Variants in PPP2R2C observed in about 807,000 individuals in gnomAD.
The protein encoded by PPP2R2C is protein phosphatase 2 regulatory subunit Bgamma.
Under a neutral mutation model 45.3 loss-of-function variants are expected in PPP2R2C, and 10 were observed. The observed-to-expected ratio is 0.22, with a 90% CI of 0.14 to 0.37. The LOEUF (loss-of-function observed/expected upper bound fraction) is 0.37, where lower values mean the gene tolerates loss of function less well. PPP2R2C is among the 10% of genes least tolerant of loss of function. The probability of loss-of-function intolerance (pLI) is 1.00; values close to 1 mark genes in which losing one functional copy is unlikely to be tolerated. For synonymous variants in PPP2R2C, 257 were observed against 245.4 expected (o/e 1.05, Z -0.44); for missense variants, 308 against 619.7 (o/e 0.50, Z 5.34).
At chr4:6,561,586 A>G (rs1425971263) in intron 1 of PPP2R2C, among the ~76,000 whole-genome samples, 1 of 152,118 alleles carries the variant, frequency 6.6e-6, no homozygotes, top group Non-Finnish European at 1.5e-5. Context: ...TTTTATTCCA[A>G]AAAGAGCTTA....
In PPP2R2C at chr4:6,381,989, C is replaced by A. The variant is rs113063269; in HGVS notation, c.71-895G>T. On this transcript the variant is annotated intron_variant, in intron 1 of 8. Coordinates refer to ENST00000382599, the MANE Select transcript of PPP2R2C (RefSeq NM_020416.4). ...GGGAGTGGGGGAGAGCAGGGGAGGA[C>A]AAGGCCCTAGCCTGGAAGAGAAACC... is the stretch of plus-strand genomic sequence containing the variant. 1.5e-3 allele frequency: 2,176 copies of A among 1,431,448 alleles called. 33 individuals are homozygous for A. The African/African-American group carries it at 0.026, about 17-fold the overall frequency. 88.7% of individuals were successfully genotyped at this position (1,431,448 alleles called of 1,614,324 possible).
chr4:6,425,121 G>A (rs544044501), intron 1 of PPP2R2C, among the ~76,000 whole-genome samples: 1 of 152,184 alleles, frequency 6.6e-6, no homozygotes, highest in African/African-American at 2.4e-5. Context: ...GAGGATGACA[G>A]GAAGTGGCAA....
At chr4:6,551,497 GCCT>G (rs1355423522) in intron 1 of PPP2R2C, among the ~76,000 whole-genome samples, 2 of 152,226 alleles carry the variant, frequency 1.3e-5, no homozygotes, top group Non-Finnish European at 2.9e-5. Context: ...TGAGGTCTAT[GCCT>G]CCTCCTCTTG....
At chr4:6,528,158 C>G (rs1427778707) in intron 2 of PPP2R2C, among the ~76,000 whole-genome samples, 1 of 152,256 alleles carries the variant, frequency 6.6e-6, no homozygotes, top group Non-Finnish European at 1.5e-5. Context: ...GCCCTGTACC[C>G]TCGGCCTGGG....
At chr4:6,515,850 G>T (rs1170104102) in intron 2 of PPP2R2C, among the ~76,000 whole-genome samples, 1 of 152,162 alleles carries the variant, frequency 6.6e-6, no homozygotes, top group East Asian at 1.9e-4. Context: ...AGGGATCCAG[G>T]GGAGGATTCT....
At position 6,328,730 on chromosome 4, in the gene PPP2R2C, T is replaced by C. The variant is rs912144580; in HGVS notation, c.1052+532A>G. The stretch of plus-strand genomic sequence containing the variant: ...GTTGAGAGACGGCTGGACTTGTGGA[T>C]TGTGACAAGCCCTGGAGGGTGTAGG... On this transcript the variant is annotated intron_variant, in intron 8 of 8. Coordinates refer to ENST00000382599, the MANE Select transcript of PPP2R2C (RefSeq NM_020416.4). The surrounding 1 kb of genome is among the most constrained non-coding windows in gnomAD (Gnocchi z 4.4). Among the ~76,000 whole-genome samples the C allele has an allele frequency of 1.3e-5, 2 of 152,122 alleles. No homozygotes were observed. Among genetic ancestry groups the C allele is most frequent in the Admixed American group, 1.3e-4 (2 of 15,282 alleles).
intron 2 of PPP2R2C, among the ~76,000 whole-genome samples, chr4:6,511,625 T>G (rs1723516196): frequency 2.3e-5 from 2 of 88,566 alleles, no homozygotes; most frequent in Admixed American, 1.2e-4. Flanking sequence ...GTGATGGTGG[T>G]GGTGGTGGTG....
chr4:6,507,802 C>T (rs192782733), intron 2 of PPP2R2C, among the ~76,000 whole-genome samples: 203 of 152,346 alleles, frequency 1.3e-3, no homozygotes, highest in African/African-American at 4.3e-3. Context: ...CTTCACTAAA[C>T]CAGTCTCCTT....
chr4:6,500,367 C>T (rs545369508), intron 2 of PPP2R2C, among the ~76,000 whole-genome samples: 5 of 152,276 alleles, frequency 3.3e-5, no homozygotes, highest in East Asian at 1.9e-4. Context: ...AGGCTGGTCT[C>T]GAACTCCTGA....
chr4:6,535,204 G>A, intron 2 of PPP2R2C: 2 of 1,500,742 alleles, frequency 1.3e-6, no homozygotes, highest in South Asian at 1.2e-5. Flanking sequence ...TCGGGCGCCT[G>A]TGACCCACAG....
rs116697867 is a variant in PPP2R2C, at chr4:6,328,176, G to C, written c.1052+1086C>G. Among the ~76,000 whole-genome samples the C allele has an allele frequency of 0.013, 1,951 of 152,310 alleles. 39 individuals carry two copies. Among genetic ancestry groups the C allele is most frequent in the African/African-American group, 0.044 (1,813 of 41,564 alleles). On this transcript the variant is annotated intron_variant, in intron 8 of 8. Transcript: ENST00000382599. The surrounding 1 kb of genome is among the most constrained non-coding windows in gnomAD (Gnocchi z 4.4). ...ACCAGGTGATGCCCAAGTCAGGGCT[G>C]CTGGCTCTCACTCCACCCTCCTTGC...
At chr4:6,555,524 A>T (rs1725368584) in intron 1 of PPP2R2C, 1 of 152,304 alleles carries the variant, frequency 6.6e-6, no homozygotes, top group Admixed American at 6.5e-5. Context: ...CATACAGGAC[A>T]AGGCCCCACC....
upstream of PPP2R2C, among the ~76,000 whole-genome samples, chr4:6,474,991 A>G (rs4689459): frequency 0.08 from 12,200 of 152,190 alleles, 899 homozygotes; most frequent in East Asian, 0.39. Context: ...CATTCATTCA[A>G]TGAGGAATGT....
At chr4:6,350,828 G>A (rs950212824) in intron 5 of PPP2R2C, 50 of 985,390 alleles carry the variant, frequency 5.1e-5, no homozygotes, top group Middle Eastern at 5.2e-4. Flanking sequence ...CAATGAGATC[G>A]CACCAAAGCC....
intron 1 of PPP2R2C, among the ~76,000 whole-genome samples, chr4:6,559,180 G>C (rs939402773): frequency 2.6e-5 from 4 of 152,222 alleles, no homozygotes; most frequent in African/African-American, 7.2e-5. Flanking sequence ...AAGGCAGGAA[G>C]AACTAGGTTC....
rs144435144 is a variant in PPP2R2C at position 6,331,792 on chromosome 4, C to G, written c.960+1770G>C. ...TGTGGCGCTGCCGGGGTCATGGAGC[C>G]CCCCCACCTTCCTGGACTGCCCTCT... is the stretch of plus-strand genomic sequence containing the variant. On this transcript the variant is annotated intron_variant, in intron 7 of 8. Transcript: ENST00000382599. The surrounding 1 kb of genome is among the most constrained non-coding windows in gnomAD (Gnocchi z 5.9). Among the ~76,000 whole-genome samples, 67 of 152,132 alleles carry G rather than the reference C, an allele frequency of 4.4e-4. No homozygotes were observed. The highest frequency in any genetic ancestry group is 1.6e-3 in the African/African-American group (65 of 41,502).
intron 2 of PPP2R2C, among the ~76,000 whole-genome samples, chr4:6,487,108 T>A (rs1722553714): frequency 6.6e-6 from 1 of 152,110 alleles, no homozygotes. Context: ...TAGATTAAGA[T>A]ACTTATACTT....
chr4:6,391,390 G>A (rs1044735406), intron 1 of PPP2R2C, among the ~76,000 whole-genome samples: 3 of 152,164 alleles, frequency 2.0e-5, no homozygotes, highest in Admixed American at 6.5e-5. Flanking sequence ...CAGGGAACTC[G>A]CCCTTATTGC....
intron 1 of PPP2R2C, among the ~76,000 whole-genome samples, chr4:6,390,362 T>G (rs1044098516): frequency 1.3e-5 from 2 of 152,248 alleles, no homozygotes; most frequent in East Asian, 3.9e-4. Flanking sequence ...GACTGCCCTG[T>G]GAAGGACTCC....
Sources: gnomAD v4.1 joint callset for allele counts (sites outside exome capture counted in the v4.1 genomes callset) on GRCh38, gnomAD v4.1.1 for gene constraint, Gnocchi (gnomAD v3.1) non-coding constraint, MANE v1.5 for transcripts, NCBI Gene and HGNC (gene_info 2026-07-23, HGNC 2026-07-21) for gene names.